The following INPP5F variants were observed in gnomAD, a reference collection of about 807,000 sequenced individuals.
INPP5F encodes the protein phosphatidylinositide 4-phosphatase SAC2.
A neutral mutation model predicts 137.2 loss-of-function variants in INPP5F; 97 were observed. The ratio of observed to expected loss-of-function variants is 0.71; its 90% confidence interval spans 0.60 to 0.84. The LOEUF (loss-of-function observed/expected upper bound fraction) is 0.84. INPP5F is among the 40% of genes least tolerant of loss of function. The pLI is 0.00. For missense variants in INPP5F, 1,271 were observed against 1,371.9 expected (o/e 0.93, Z 1.16); for synonymous variants, 504 against 476.9 (o/e 1.06, Z -0.74).
chr10:119,807,133 C>G (rs891565520), intron 12 of INPP5F, among the ~76,000 whole-genome samples: 2 of 152,064 alleles, frequency 1.3e-5, no homozygotes, highest in African/African-American at 4.8e-5. Flanking sequence ...ACTAGCTGGG[C>G]GTGGTGGCCG....
At chr10:119,819,798 G>T (rs1379486532) in intron 15 of INPP5F, 1 of 318,110 alleles carries the variant, frequency 3.1e-6, no homozygotes. Flanking sequence ...CTACAACGAG[G>T]TGTCTCTGAT....
chr10:119,795,894 G>A (rs1437444506), intron 6 of INPP5F, among the ~76,000 whole-genome samples: 2 of 152,338 alleles, frequency 1.3e-5, no homozygotes, highest in East Asian at 1.9e-4. Flanking sequence ...CGGCCAACAC[G>A]GGGAAACCCC....
chr10:119,744,290 C>G lies in INPP5F; in HGVS notation c.98-6786C>G, dbSNP rs528056545. ...GACTTGTCAAATTCCTTTCCCACACCTAGCCTCCAGTGCCCCATTATCCTC... is the reference window on the plus strand; with the variant it reads ...GACTTGTCAAATTCCTTTCCCACACGTAGCCTCCAGTGCCCCATTATCCTC... On this transcript the variant is annotated intron_variant, in intron 1 of 19. Transcript: ENST00000650623. Among the ~76,000 whole-genome samples the G allele has an allele frequency of 2.6e-4, 40 of 152,302 alleles. No individual in the cohort carries two copies. In the South Asian group the frequency reaches 8.1e-3, roughly 31 times the overall value.
At chr10:119,756,277 A>T (rs1184149788) in intron 2 of INPP5F, among the ~76,000 whole-genome samples, 11 of 152,226 alleles carry the variant, frequency 7.2e-5, no homozygotes, top group Non-Finnish European at 1.5e-4. Flanking sequence ...GTGGCTACAC[A>T]ATTTTGAACA....
At chr10:119,821,236 ATTGT>A (rs1202679641) in intron 16 of INPP5F, among the ~76,000 whole-genome samples, 3 of 152,124 alleles carry the variant, frequency 2.0e-5, no homozygotes, top group Admixed American at 2.0e-4. Context: ...ACCACGTATC[ATTGT>A]TTGCATTACT....
At chr10:119,817,979 T>C (rs1851347968) in intron 15 of INPP5F, among the ~76,000 whole-genome samples, 1 of 152,222 alleles carries the variant, frequency 6.6e-6, no homozygotes, top group Non-Finnish European at 1.5e-5. Flanking sequence ...GCAAGCATTC[T>C]GGAAATGCGC....
chr10:119,758,011 A>T (rs1051832929), intron 2 of INPP5F, among the ~76,000 whole-genome samples: 6 of 152,186 alleles, frequency 3.9e-5, no homozygotes, highest in Non-Finnish European at 7.3e-5. Flanking sequence ...GTATCTATGG[A>T]GTACCTACTG....
chr10:119,816,921 C>T (rs1294703290), intron 15 of INPP5F, among the ~76,000 whole-genome samples: 1 of 152,204 alleles, frequency 6.6e-6, no homozygotes, highest in African/African-American at 2.4e-5. Flanking sequence ...CAGAGTTGTG[C>T]AGCCATCACC....
chr10:119,735,246 C>T (rs935386824), intron 1 of INPP5F, among the ~76,000 whole-genome samples: 1 of 152,156 alleles, frequency 6.6e-6, no homozygotes, highest in Admixed American at 6.5e-5. Context: ...GATTTTAGGT[C>T]AGTGTTCCCT....
Position 119,787,103 on chromosome 10 carries a change from G to A in INPP5F, c.316-4414G>A, listed in dbSNP as rs1019101819. ...TGAATGTTCATACTAAGGGAGGTAA[G>A]TGATGATTATCAGTATCTTCATATC... On this transcript the variant is annotated intron_variant, in intron 3 of 19. Coordinates refer to ENST00000650623, the MANE Select transcript of INPP5F (RefSeq NM_014937.4). The surrounding 1 kb of genome is among the most constrained non-coding windows in gnomAD (Gnocchi z 4.1). Among the ~76,000 whole-genome samples, 4 of 152,160 alleles carry A rather than the reference G, an allele frequency of 2.6e-5. No homozygotes were observed. The highest frequency in any genetic ancestry group is 4.1e-4 in the South Asian group (2 of 4,832).
At chr10:119,806,135 C>A (rs1850771612) in intron 11 of INPP5F, among the ~76,000 whole-genome samples, 1 of 151,948 alleles carries the variant, frequency 6.6e-6, no homozygotes, top group Admixed American at 6.6e-5. Context: ...TCTCTGCACC[C>A]CAGTTTTTTT....
rs139466897 is a variant in INPP5F, at chr10:119,783,142, G to C, written c.315+1371G>C. Among the ~76,000 whole-genome samples the C allele has an allele frequency of 3.2e-4, 48 of 152,282 alleles. No homozygotes were observed. In the East Asian group the frequency reaches 8.3e-3, roughly 26 times the overall value. ...AGACAAAAAACCTAGGTGGCAATTA[G>C]GCCTATTAAAAGCAGATGTTTGCAG... On this transcript the variant is annotated intron_variant, in intron 3 of 19. Transcript: ENST00000650623.
At chr10:119,752,306 CA>C (rs1185269249) in intron 2 of INPP5F, among the ~76,000 whole-genome samples, 1 of 152,026 alleles carries the variant, frequency 6.6e-6, no homozygotes, top group African/African-American at 2.4e-5. Context: ...AAATATGGGC[CA>C]GGCGCAGTGA....
chr10:119,782,566 C>A (rs1322707712), intron 3 of INPP5F, among the ~76,000 whole-genome samples: 1 of 152,110 alleles, frequency 6.6e-6, no homozygotes, highest in Non-Finnish European at 1.5e-5. Flanking sequence ...TGGGTGGCTC[C>A]TGTCTTTGAC....
At chr10:119,812,300 G>A (rs1397931262) in intron 15 of INPP5F, among the ~76,000 whole-genome samples, 3 of 152,118 alleles carry the variant, frequency 2.0e-5, no homozygotes, top group Admixed American at 1.3e-4. Context: ...TGCAACAAGA[G>A]GTGTAGTGAG....
intron 7 of INPP5F, among the ~76,000 whole-genome samples, chr10:119,797,220 T>C (rs1850416772): frequency 6.6e-6 from 1 of 152,226 alleles, no homozygotes; most frequent in African/African-American, 2.4e-5. Context: ...ATCCTTCCTA[T>C]GTGCTAGTGC....
chr10:119,759,555 C>G (rs2134138826), intron 2 of INPP5F, among the ~76,000 whole-genome samples: 1 of 152,182 alleles, frequency 6.6e-6, no homozygotes, highest in South Asian at 2.1e-4. Context: ...AGGGTTTCAT[C>G]ATGTTGGCCA....
At chr10:119,794,020 T>G (rs1477299769) in intron 6 of INPP5F, among the ~76,000 whole-genome samples, 2 of 152,212 alleles carry the variant, frequency 1.3e-5, no homozygotes, top group Non-Finnish European at 2.9e-5. Context: ...ATTTTTTATG[T>G]TTGCATTTTC....
chr10:119,808,612 A>T (rs547962194), intron 13 of INPP5F, among the ~76,000 whole-genome samples: 15 of 152,338 alleles, frequency 9.8e-5, no homozygotes, highest in Middle Eastern at 3.4e-3. Flanking sequence ...TGCGGAAGAA[A>T]TGTTTTAGTT....
Sources: gnomAD v4.1 joint callset for allele counts (sites outside exome capture counted in the v4.1 genomes callset) on GRCh38, gnomAD v4.1.1 for gene constraint, Gnocchi (gnomAD v3.1) non-coding constraint, MANE v1.5 for transcripts, NCBI Gene and HGNC (gene_info 2026-07-23, HGNC 2026-07-21) for gene names.